SLC7A1: variants seen among roughly 807,000 people sequenced by gnomAD.
SLC7A1 encodes the protein solute carrier family 7 member 1, also known as high affinity cationic amino acid transporter 1.
Under a neutral mutation model 53.9 loss-of-function variants are expected in SLC7A1, and 10 were observed. The observed-to-expected ratio is 0.19, with a 90% CI of 0.11 to 0.31. The LOEUF (loss-of-function observed/expected upper bound fraction) is 0.31, where lower values mean the gene tolerates loss of function less well. SLC7A1 is among the 10% of genes least tolerant of loss of function. The pLI is 1.00. For synonymous variants in SLC7A1, 342 were observed against 338.7 expected (o/e 1.01, Z -0.11); for missense variants, 525 against 827.2 (o/e 0.63, Z 4.48).
At chr13:29,522,071 G>A (rs557771462) in intron 8 of SLC7A1, among the ~76,000 whole-genome samples, 6 of 151,822 alleles carry the variant, frequency 4.0e-5, no homozygotes, top group South Asian at 2.1e-4. Flanking sequence ...TCTAAGCTCC[G>A]CCCATTGAGA....
intron 2 of SLC7A1, among the ~76,000 whole-genome samples, chr13:29,549,009 A>G (rs184274798): frequency 2.0e-5 from 3 of 152,214 alleles, no homozygotes; most frequent in Non-Finnish European, 4.4e-5. Flanking sequence ...TCTGACTTCT[A>G]ATCTGAAAGG....
chr13:29,522,189 T>C (rs930403868), intron 8 of SLC7A1, 128 bp downstream of exon 8: 2 of 953,948 alleles, frequency 2.1e-6, no homozygotes, highest in Admixed American at 4.3e-5. Context: ...AGGCTCCAAG[T>C]ATAAAAACCA....
chr13:29,560,266 G>T lies in SLC7A1; in HGVS notation c.-114-6406C>A, dbSNP rs544793842. Among the ~76,000 whole-genome samples, 420 of 152,100 alleles carry T rather than the reference G, an allele frequency of 2.8e-3. 1 individual carries two copies. The highest frequency in any genetic ancestry group is 9.7e-3 in the African/African-American group (401 of 41,500). On this transcript the variant is annotated intron_variant, in intron 1 of 12. Transcript: ENST00000380752. The stretch of plus-strand genomic sequence containing the variant: ...CCTCTACGTCTTGTCCCACCGGAAG[G>T]TCTTCAGGGGCAGGAACACACAAGG...
At chr13:29,565,862 G>T (rs764238687) in intron 1 of SLC7A1, among the ~76,000 whole-genome samples, 1 of 152,170 alleles carries the variant, frequency 6.6e-6, no homozygotes, top group Non-Finnish European at 1.5e-5. Context: ...CTTATCCAAA[G>T]CTTCCTAACG....
Position 29,524,193 on chromosome 13 carries a change from G to T in SLC7A1, c.765C>A (p.Val255=), listed in dbSNP as rs1375961447. ...GGFMPFGFSG[V]LSGAATCFYA... ...AGAAGCAAGTCGCTGCCCCCGACAGGACACCAGAGAACCCGAAGGGCATGA... is the reference window on the plus strand; with the variant it reads ...AGAAGCAAGTCGCTGCCCCCGACAGTACACCAGAGAACCCGAAGGGCATGA... Residue 255 remains valine, a synonymous_variant, in exon 6 of 13, where the codon GTC becomes GTA. Coordinates refer to ENST00000380752, the MANE Select transcript of SLC7A1 (RefSeq NM_003045.5). 1 of 1,614,016 alleles carries T rather than the reference G, an allele frequency of 6.2e-7. No homozygotes were observed. Among genetic ancestry groups the T allele is most frequent in the Non-Finnish European group, 8.5e-7 (1 of 1,179,984 alleles).
Position 29,543,634 on chromosome 13 carries a change from G to A in SLC7A1, c.-14-7432C>T, listed in dbSNP as rs751833374. Among the ~76,000 whole-genome samples, 64 of 151,964 alleles carry A rather than the reference G, an allele frequency of 4.2e-4. 1 individual carries two copies. The highest frequency in any genetic ancestry group is 2.1e-4 in the Non-Finnish European group (14 of 67,998). On this transcript the variant is annotated intron_variant, in intron 2 of 12. Transcript: ENST00000380752. ...GGGGTGCGGAAGGAGGCAGGGATCA[G>A]AGGTTCCCCAGGAGGAGGGAGAAGG...
chr13:29,554,899 G>C (rs1047501856), intron 1 of SLC7A1, among the ~76,000 whole-genome samples: 4 of 151,962 alleles, frequency 2.6e-5, no homozygotes, highest in African/African-American at 9.7e-5. Context: ...TACAGAAGTT[G>C]AATGAATACT....
intron 2 of SLC7A1, among the ~76,000 whole-genome samples, chr13:29,536,434 T>C (rs950054223): frequency 3.9e-5 from 6 of 152,248 alleles, no homozygotes; most frequent in Non-Finnish European, 7.3e-5. Context: ...GATGACTTCA[T>C]TTCGAGGTCT....
intron 1 of SLC7A1, among the ~76,000 whole-genome samples, chr13:29,567,003 C>T (rs1053616065): frequency 6.6e-6 from 1 of 152,200 alleles, no homozygotes; most frequent in South Asian, 2.1e-4. Context: ...AGAGGCTCTC[C>T]ACTCTACTTG....
At chr13:29,548,297 T>C (rs1394885332) in intron 2 of SLC7A1, among the ~76,000 whole-genome samples, 1 of 152,218 alleles carries the variant, frequency 6.6e-6, no homozygotes, top group Non-Finnish European at 1.5e-5. Context: ...CACACACGGT[T>C]AGGAGCTATA....
At chr13:29,530,228 G>A (rs74042325) in intron 5 of SLC7A1, among the ~76,000 whole-genome samples, 1,857 of 152,274 alleles carry the variant, frequency 0.012, 44 homozygotes, top group African/African-American at 0.043. Flanking sequence ...TCTGGGGAAA[G>A]AGGGATCATT....
rs1883345547 is a variant in SLC7A1, at chr13:29,509,985, GTCA to G, written c.*4492_*4494del. 6.6e-6 allele frequency: 1 copy of G among 152,606 alleles called. No individual in the cohort carries two copies. The allele number at this position is 152,606 out of a possible 1,614,324, so 9.5% of individuals were successfully genotyped here. ...AAATAAGTCCCAAACTTAATAGTCT[GTCA>G]TCAAGAAACACAAAATCATTTGCCT... is the stretch of plus-strand genomic sequence containing the variant. On this transcript the variant is annotated 3_prime_UTR_variant, in exon 13 of 13. Transcript: ENST00000380752.
At position 29,518,619 on chromosome 13, in the gene SLC7A1, G is replaced by T. The variant is rs564005358; in HGVS notation, c.1292+828C>A. Among the ~76,000 whole-genome samples, 64 of 152,264 alleles carry T rather than the reference G, an allele frequency of 4.2e-4. 1 individual carries two copies. The South Asian group carries it at 0.013, about 32-fold the overall frequency. On this transcript the variant is annotated intron_variant, in intron 9 of 12. Coordinates refer to ENST00000380752, the MANE Select transcript of SLC7A1 (RefSeq NM_003045.5). ...TTGGGCCCCTTGGGAGGAATAAGGG[G>T]TCCCCAATAGTCTTAGCTGATTCTA...
At chr13:29,539,525 G>C (rs1869572599) in intron 2 of SLC7A1, among the ~76,000 whole-genome samples, 1 of 152,202 alleles carries the variant, frequency 6.6e-6, no homozygotes. Flanking sequence ...TGTAAGCTTA[G>C]ATACAGATAA....
intron 1 of SLC7A1, among the ~76,000 whole-genome samples, chr13:29,582,382 G>T (rs1450683670): frequency 6.6e-6 from 1 of 152,212 alleles, no homozygotes; most frequent in Non-Finnish European, 1.5e-5. Context: ...AAGTGTACAG[G>T]CTATGACTGG....
chr13:29,594,847 G>C (rs1394541468), intron 1 of SLC7A1, among the ~76,000 whole-genome samples: 1 of 152,180 alleles, frequency 6.6e-6, no homozygotes, highest in Non-Finnish European at 1.5e-5. Flanking sequence ...ACCGGGCGGG[G>C]ATGGCAGCAG....
At chr13:29,573,309 G>A (rs930720513) in intron 1 of SLC7A1, among the ~76,000 whole-genome samples, 5 of 152,150 alleles carry the variant, frequency 3.3e-5, no homozygotes, top group Admixed American at 2.6e-4. Flanking sequence ...AATCTGAAAC[G>A]AGGAACTTGG....
At chr13:29,557,683 T>A (rs1354678799) in intron 1 of SLC7A1, among the ~76,000 whole-genome samples, 9 of 74,690 alleles carry the variant, frequency 1.2e-4, no homozygotes, top group East Asian at 4.4e-4. Context: ...TGAGGGAGAG[T>A]GAATATGAGT....
chr13:29,568,075 T>A (rs1472316464), intron 1 of SLC7A1, among the ~76,000 whole-genome samples: 2 of 152,142 alleles, frequency 1.3e-5, no homozygotes, highest in African/African-American at 4.8e-5. Context: ...TTTTCTCCTC[T>A]AAACTTACAC....
Sources: gnomAD v4.1 joint callset for allele counts (sites outside exome capture counted in the v4.1 genomes callset) on GRCh38, gnomAD v4.1.1 for gene constraint, MANE v1.5 for transcripts, NCBI Gene and HGNC (gene_info 2026-07-23, HGNC 2026-07-21) for gene names.